Variants in SH2D5 observed in about 807,000 individuals in gnomAD.
SH2D5 encodes the protein SH2 domain containing 5.
A neutral mutation model predicts 48.2 loss-of-function variants in SH2D5; 45 were observed. That is an observed-to-expected ratio of 0.93 (90% CI 0.73 to 1.20). The LOEUF is 1.20. Among genes scored for constraint, SH2D5 ranks in the 50% most tolerant of loss-of-function variants. The pLI is 0.00. For synonymous variants in SH2D5, 230 were observed against 249.8 expected (o/e 0.92, Z 0.75); for missense variants, 538 against 584.1 (o/e 0.92, Z 0.81).
At position 20,719,883 on chromosome 1, in the gene SH2D5, A is replaced by T. The variant is rs1557612691; in HGVS notation, c.*1909T>A. On this transcript the variant is annotated 3_prime_UTR_variant, in exon 10 of 10. Coordinates refer to ENST00000444387, the MANE Select transcript of SH2D5 (RefSeq NM_001103161.2). ...CCAAAAACCTTGCCCTCTCTGTAACACGAGATCAATCTATGCTGGCTGGAG... is the reference window on the plus strand; with the variant it reads ...CCAAAAACCTTGCCCTCTCTGTAACTCGAGATCAATCTATGCTGGCTGGAG... The T allele has an allele frequency of 6.6e-6, 1 of 152,320 alleles. No homozygotes were observed. The highest frequency in any genetic ancestry group is 1.9e-4 in the East Asian group (1 of 5,182). The allele number at this position is 152,320 out of a possible 1,614,324, so 9.4% of individuals were successfully genotyped here. A position where few individuals can be genotyped will look rare whatever the true frequency, so the allele number is the denominator to read the frequency against.
Position 20,722,889 on chromosome 1 carries a change from C to T in SH2D5, c.935G>A (p.Arg312Lys). The change falls in exon 9 of 10, where the codon AGA becomes AAA. Residue 312 changes from arginine (R) to lysine (K), a missense_variant. Transcript: ENST00000444387. ...CAGCAGGAAGGCCCCCAGCACGTCTCTCCGCAACAGGGCCAGGGCACAGGG... is the reference window on the plus strand; with the variant it reads ...CAGCAGGAAGGCCCCCAGCACGTCTTTCCGCAACAGGGCCAGGGCACAGGG... ...SRPCALALLR[R>K]DVLGAFLLWP... is the part of the protein sequence containing the mutation. 3.7e-6 allele frequency: 6 copies of T among 1,602,334 alleles called. No homozygotes were observed. Among genetic ancestry groups the T allele is most frequent in the Non-Finnish European group, 5.1e-6 (6 of 1,174,832 alleles).
At chr1:20,731,944 C>T (rs1054551992) in intron 1 of SH2D5, among the ~76,000 whole-genome samples, 1 of 151,938 alleles carries the variant, frequency 6.6e-6, no homozygotes, top group Non-Finnish European at 1.5e-5. Flanking sequence ...CGAGACCCTC[C>T]CGCGCCCGTG....
rs1256979108 is a variant in SH2D5, at chr1:20,724,525, C to G, written c.501G>C (p.Val167=). ...PEPCPGPTGE[V]PLKPLSSSGG... ...CAGAGCTGGACAGTGGCTTCAGGGG[C>G]ACCTCCCCTGTGGGCCCTGGGCAGG... Residue 167 remains valine, a synonymous_variant, in exon 6 of 10, where the codon GTG becomes GTC. Transcript: ENST00000444387. The G allele has an allele frequency of 6.2e-7, 1 of 1,610,548 alleles. No homozygotes were observed. Among genetic ancestry groups the G allele is most frequent in the Non-Finnish European group, 8.5e-7 (1 of 1,179,064 alleles).
chr1:20,724,175 C>T lies in SH2D5; in HGVS notation c.707G>A (p.Arg236His), dbSNP rs752062884. Reference protein sequence around the residue: ...GNPYCSPTLVRKKAIRSKVIR... With the variant: ...GNPYCSPTLVHKKAIRSKVIR... ...CACCTTGCTGCGAATGGCCTTCTTG[C>T]GCACCAGCGTGGGCGAGCAGTAGGG... The change falls in exon 7 of 10, where the codon CGC becomes CAC. Residue 236 changes from arginine to histidine, a missense_variant. Arg to His is a conservative substitution (Grantham distance 29). Coordinates refer to ENST00000444387, the MANE Select transcript of SH2D5 (RefSeq NM_001103161.2). 1.1e-5 allele frequency: 17 copies of T among 1,612,896 alleles called. No homozygotes were observed. In the East Asian group the frequency reaches 2.5e-4, roughly 23 times the overall value.
intron 2 of SH2D5, 69 bp from the exon 3 acceptor site, chr1:20,727,672 A>C (rs1308046658): frequency 7.8e-5 from 108 of 1,378,444 alleles, no homozygotes; most frequent in Non-Finnish European, 9.9e-5. Flanking sequence ...CCATCCTCCA[A>C]ATTCCCCCCA....
intron 4 of SH2D5, 70 bp from the exon 5 acceptor site, chr1:20,726,136 AG>A: frequency 6.7e-7 from 1 of 1,493,972 alleles, no homozygotes; most frequent in Non-Finnish European, 9.0e-7. Context: ...GCCAGCCTGC[AG>A]GGGTGAAGAA....
intron 7 of SH2D5, 78 bp downstream of exon 7, chr1:20,724,005 G>T (rs534801191): frequency 5.2e-6 from 8 of 1,540,454 alleles, no homozygotes; most frequent in Non-Finnish European, 7.0e-6. Flanking sequence ...GGGCACTCAC[G>T]CCCACCTCTG....
At chr1:20,726,421 T>G (rs1055778663) in intron 4 of SH2D5, among the ~76,000 whole-genome samples, 14 of 152,098 alleles carry the variant, frequency 9.2e-5, no homozygotes, top group African/African-American at 3.1e-4. Flanking sequence ...TGAGGGCCTC[T>G]CGATAGGGCT....
At chr1:20,730,212 G>A (rs571411724) in intron 1 of SH2D5, among the ~76,000 whole-genome samples, 2 of 151,904 alleles carry the variant, frequency 1.3e-5, no homozygotes, top group East Asian at 3.9e-4. Flanking sequence ...GCCGGGGACA[G>A]AGGCAGGAAC....
rs78850254 is a variant in SH2D5, at chr1:20,728,967, G to A, written c.-42-881C>T. ...AAACCAGAACTCAGTCAGACAGTGCGCTGATGCAGACAGGATGTGGGGAAG... is the reference window on the plus strand; with the variant it reads ...AAACCAGAACTCAGTCAGACAGTGCACTGATGCAGACAGGATGTGGGGAAG... On this transcript the variant is annotated intron_variant, in intron 1 of 9. Coordinates refer to ENST00000444387, the MANE Select transcript of SH2D5 (RefSeq NM_001103161.2). This position sits in a 1 kb window ranked among gnomAD's most constrained non-coding sequence, Gnocchi z 4.3. 0.031 allele frequency among the ~76,000 whole-genome samples: 4,739 copies of A among 151,848 alleles called. 257 individuals are homozygous for A. Among genetic ancestry groups the A allele is most frequent in the African/African-American group, 0.11 (4,402 of 41,334 alleles).
rs1440294300 is a variant in SH2D5 at position 20,724,482 on chromosome 1, G to T, written c.544C>A (p.Pro182Thr). 6.2e-7 allele frequency: 1 copy of T among 1,612,836 alleles called. No individual in the cohort carries two copies. The highest frequency in any genetic ancestry group is 8.5e-7 in the Non-Finnish European group (1 of 1,179,882). Residue 182 changes from proline (P) to threonine (T), a missense_variant, in exon 6 of 10, where the codon CCC becomes ACC. Coordinates refer to ENST00000444387, the MANE Select transcript of SH2D5 (RefSeq NM_001103161.2). ...TGAGAGAGCTGATCACGGCCGAAGG[G>T]CTCCCGCACCAGGCCCCCAGAGCTG... ...LSSSGGLVRE[P>T]FGRDQLSQNV...
chr1:20,726,857 G>T, intron 4 of SH2D5, 144 bp downstream of exon 4: 1 of 616,078 alleles, frequency 1.6e-6, no homozygotes, highest in Non-Finnish European at 2.7e-6. Context: ...AAGGCCCAGA[G>T]CAGGTAGGCT....
In SH2D5 at chr1:20,727,000, C is replaced by T. The variant is rs2054813456; in HGVS notation, c.243+1G>A. 1.9e-6 allele frequency: 3 copies of T among 1,609,972 alleles called. No individual in the cohort carries two copies. Among genetic ancestry groups the T allele is most frequent in the Non-Finnish European group, 8.5e-7 (1 of 1,178,100 alleles). On this transcript the variant is annotated splice_donor_variant, in intron 4 of 9. Coordinates refer to ENST00000444387, the MANE Select transcript of SH2D5 (RefSeq NM_001103161.2). LOFTEE classifies it high-confidence loss of function. ...TCACCTGCACCCACAGGGGTTCCTACCTCACCCTCCCCGCTGTAGATCTTG... is the reference window on the plus strand; with the variant it reads ...TCACCTGCACCCACAGGGGTTCCTATCTCACCCTCCCCGCTGTAGATCTTG...
intron 1 of SH2D5, among the ~76,000 whole-genome samples, chr1:20,730,090 A>G (rs980896594): frequency 2.6e-5 from 4 of 151,950 alleles, no homozygotes; most frequent in African/African-American, 7.3e-5. Context: ...TCAACTTCAC[A>G]GTCACATCCT....
At chr1:20,723,958 G>T in intron 7 of SH2D5, 125 bp downstream of exon 7, 1 of 1,241,974 alleles carries the variant, frequency 8.1e-7, no homozygotes, top group Non-Finnish European at 1.1e-6. Context: ...CAGTGCACAG[G>T]CATCACTTGG....
intron 1 of SH2D5, chr1:20,731,396 A>G (rs2054906177): frequency 6.6e-6 from 1 of 152,410 alleles, no homozygotes; most frequent in Non-Finnish European, 1.5e-5. Flanking sequence ...AAGTCACTTA[A>G]GCTCTCAGCC....
At position 20,724,572 on chromosome 1, in the gene SH2D5, C is replaced by G. The variant is rs750207854; in HGVS notation, c.454G>C (p.Glu152Gln). The G allele has an allele frequency of 1.9e-6, 3 of 1,596,434 alleles. No homozygotes were observed. In the Admixed American group the frequency reaches 5.2e-5, roughly 28 times the overall value. Residue 152 changes from glutamate (E) to glutamine (Q), a missense_variant, in exon 6 of 10, where the codon GAG becomes CAG. Physicochemically the swap from Glu to Gln is conservative, Grantham distance 29. Transcript: ENST00000444387. ...CAGGGCTCTGGCTGTGCCCGCTCCT[C>G]AGGGTGCTGCAAGAGGTAAGCCAGC... is the stretch of plus-strand genomic sequence containing the variant. ...FQLAYLLQHPEERAQPEPCPG... is the reference protein window; with the variant it reads ...FQLAYLLQHPQERAQPEPCPG...
At position 20,724,772 on chromosome 1, in the gene SH2D5, G is replaced by C. The variant is rs60940433; in HGVS notation, c.391-137C>G. 4.4e-6 allele frequency: 5 copies of C among 1,130,360 alleles called. No homozygotes were observed. The South Asian group carries it at 8.8e-5, about 20-fold the overall frequency. 70.0% of individuals were successfully genotyped at this position (1,130,360 alleles called of 1,614,324 possible). A position where few individuals can be genotyped will look rare whatever the true frequency, so the allele number is the denominator to read the frequency against. ...GGCTCTTCCCATTCTTCCTGGGAAA[G>C]CTCCTACTTACCCTTCAAAACCTCA... is the stretch of plus-strand genomic sequence containing the variant. On this transcript the variant is annotated intron_variant, in intron 5 of 9. Transcript: ENST00000444387.
chr1:20,729,499 G>A lies in SH2D5; in HGVS notation c.-42-1413C>T, dbSNP rs2054867456. On this transcript the variant is annotated intron_variant, in intron 1 of 9. Coordinates refer to ENST00000444387, the MANE Select transcript of SH2D5 (RefSeq NM_001103161.2). The surrounding 1 kb of genome is among the most constrained non-coding windows in gnomAD (Gnocchi z 4.2). ...GAATGGAGGAGGCAGCGCCCAGCCC[G>A]ACGCCAGCCAGGCTTGGATCCAAAG... Among the ~76,000 whole-genome samples the A allele has an allele frequency of 6.6e-6, 1 of 152,182 alleles. No homozygotes were observed.
Sources: allele counts gnomAD v4.1 joint callset (sites outside exome capture counted in the v4.1 genomes callset), GRCh38; gene constraint gnomAD v4.1.1; non-coding constraint Gnocchi (gnomAD v3.1); transcripts MANE v1.5; gene names NCBI Gene and HGNC (gene_info 2026-07-23, HGNC 2026-07-21).